AIMP1: variants seen among roughly 807,000 people sequenced by gnomAD.
AIMP1 encodes aminoacyl tRNA synthetase complex interacting multifunctional protein 1, also known as aminoacyl tRNA synthase complex-interacting multifunctional protein 1.
Under a neutral mutation model 33.1 loss-of-function variants are expected in AIMP1, and 24 were observed. The observed-to-expected ratio is 0.73, with a 90% CI of 0.53 to 1.02. The LOEUF is 1.02. Among genes scored for constraint, AIMP1 ranks in the 50% least tolerant of loss-of-function variants. The pLI is 0.00. For synonymous variants in AIMP1, 120 were observed against 121.5 expected, an observed-to-expected ratio of 0.99 and a Z score of 0.08; for missense variants, 367 against 364.8, an observed-to-expected ratio of 1.01 and a Z score of -0.05.
At chr4:106,327,590 A>C in intron 3 of AIMP1, 26 bp downstream of exon 3, 1 of 1,557,442 alleles carries the variant, frequency 6.4e-7, no homozygotes, top group South Asian at 1.1e-5. Context: ...AAATTTGAGT[A>C]ATCCAGAAGT....
At chr4:106,324,828 G>C (rs898830516) in intron 1 of AIMP1, among the ~76,000 whole-genome samples, 157 bp from the exon 2 acceptor site, 1 of 152,012 alleles carries the variant, frequency 6.6e-6, no homozygotes, top group Non-Finnish European at 1.5e-5. Flanking sequence ...TCTGCTATTT[G>C]TTTGGCTTGT....
chr4:106,324,876 T>C, intron 1 of AIMP1, 109 bp from the exon 2 acceptor site: 1 of 853,578 alleles, frequency 1.2e-6, no homozygotes, highest in African/African-American at 1.7e-5. Context: ...AAGATATTTA[T>C]CTATTACAGT....
Position 106,331,848 on chromosome 4 carries a change from G to A in AIMP1, c.568G>A (p.Val190Ile). The A allele has an allele frequency of 6.2e-7, 1 of 1,614,098 alleles. No homozygotes were observed. Residue 190 changes from valine to isoleucine, a missense_variant, in exon 5 of 7, where the codon GTC becomes ATC. Val to Ile is a conservative substitution (Grantham distance 29, BLOSUM62 3). Coordinates refer to ENST00000672341, the MANE Select transcript of AIMP1 (RefSeq NM_001142416.2). ...CGGAGAAATAGCCCCAAGGACAGTTGTCAGTGGCCTGGTGAATCATGTTCC... is the reference window on the plus strand; with the variant it reads ...CGGAGAAATAGCCCCAAGGACAGTTATCAGTGGCCTGGTGAATCATGTTCC... ...DVGEIAPRTVVSGLVNHVPLE... is the reference protein window; with the variant it reads ...DVGEIAPRTVISGLVNHVPLE...
intron 6 of AIMP1, among the ~76,000 whole-genome samples, chr4:106,339,846 A>C (rs3109953): frequency 0.39 from 59,717 of 152,034 alleles, 11,915 homozygotes; most frequent in South Asian, 0.47. Context: ...TTTTACTCAA[A>C]TTCAGGATAT....
At chr4:106,323,993 C>T (rs925061034) in intron 1 of AIMP1, among the ~76,000 whole-genome samples, 1 of 152,000 alleles carries the variant, frequency 6.6e-6, no homozygotes, top group Non-Finnish European at 1.5e-5. Context: ...CAGATCTAGA[C>T]AGTCACCTCA....
chr4:106,326,196 A>C (rs1769448368), intron 2 of AIMP1, among the ~76,000 whole-genome samples: 1 of 152,198 alleles, frequency 6.6e-6, no homozygotes, highest in Admixed American at 6.5e-5. Flanking sequence ...GATTCATAGA[A>C]AATTTAGGGT....
chr4:106,340,155 G>A (rs1197526089), intron 6 of AIMP1, among the ~76,000 whole-genome samples: 1 of 152,144 alleles, frequency 6.6e-6, no homozygotes, highest in African/African-American at 2.4e-5. Context: ...AGATATAAAT[G>A]AAGATAAATA....
intron 1 of AIMP1, 119 bp from the exon 2 acceptor site, chr4:106,324,866 A>G: frequency 2.6e-6 from 2 of 779,900 alleles, no homozygotes; most frequent in Non-Finnish European, 3.7e-6. Context: ...CTATTTTTCT[A>G]AGATATTTAT....
At chr4:106,327,963 T>C in intron 3 of AIMP1, 113 bp from the exon 4 acceptor site, 1 of 1,471,442 alleles carries the variant, frequency 6.8e-7, no homozygotes, top group Non-Finnish European at 9.2e-7. Flanking sequence ...TTGATAGCCA[T>C]ATACAGTGAA....
At chr4:106,344,809 ATCT>A (rs1490610377) in intron 6 of AIMP1, among the ~76,000 whole-genome samples, 19 of 151,006 alleles carry the variant, frequency 1.3e-4, no homozygotes, top group African/African-American at 4.4e-4. Context: ...TCGCTTACTC[ATCT>A]TATTCATATC....
intron 6 of AIMP1, among the ~76,000 whole-genome samples, chr4:106,343,079 T>C (rs1382474863): frequency 1.3e-5 from 2 of 152,206 alleles, no homozygotes; most frequent in East Asian, 3.9e-4. Context: ...CTTTTTTTAA[T>C]TGGTAGGTTT....
intron 1 of AIMP1, among the ~76,000 whole-genome samples, chr4:106,318,355 A>G (rs1278817624): frequency 8.5e-5 from 13 of 152,168 alleles, no homozygotes; most frequent in Admixed American, 8.5e-4. Context: ...ACCTAGTGCT[A>G]AAAGGTACCA....
intron 6 of AIMP1, among the ~76,000 whole-genome samples, chr4:106,338,694 A>C (rs753929505): frequency 6.6e-6 from 1 of 152,228 alleles, no homozygotes; most frequent in Non-Finnish European, 1.5e-5. Flanking sequence ...CCCCACACAC[A>C]GAATCCCCAC....
In AIMP1 at chr4:106,348,272, T is replaced by G. The variant is rs1770376677; in HGVS notation, c.*580T>G. ...TGACTAATAATACAATAACAGCAAT[T>G]TTTTTAAAAAACTGAGATTTCCTAC... On this transcript the variant is annotated 3_prime_UTR_variant, in exon 7 of 7. Coordinates refer to ENST00000672341, the MANE Select transcript of AIMP1 (RefSeq NM_001142416.2). The G allele has an allele frequency of 6.6e-6, 1 of 152,136 alleles. No individual in the cohort carries two copies. Among genetic ancestry groups the G allele is most frequent in the African/African-American group, 2.4e-5 (1 of 41,426 alleles). 9.4% of individuals were successfully genotyped at this position (152,136 alleles called of 1,614,324 possible). A position where few individuals can be genotyped will look rare whatever the true frequency, so the allele number is the denominator to read the frequency against.
Position 106,331,887 on chromosome 4 carries a change from A to G in AIMP1, c.603+4A>G. 1 of 1,613,092 alleles carries G rather than the reference A, an allele frequency of 6.2e-7. No individual in the cohort carries two copies. Among genetic ancestry groups the G allele is most frequent in the Non-Finnish European group, 8.5e-7 (1 of 1,179,080 alleles). ...GAATCATGTTCCTCTTGAACAGGTA[A>G]TCTGTACAACTGAAATTCCTGTTGT... On this transcript the variant is annotated splice_donor_region_variant and intron_variant, in intron 5 of 6. Coordinates refer to ENST00000672341, the MANE Select transcript of AIMP1 (RefSeq NM_001142416.2).
intron 6 of AIMP1, among the ~76,000 whole-genome samples, chr4:106,345,892 T>C (rs916731033): frequency 6.7e-6 from 1 of 148,426 alleles, no homozygotes; most frequent in Non-Finnish European, 1.5e-5. Flanking sequence ...AAAATATAAA[T>C]ATAAAATATA....
chr4:106,338,242 A>G (rs1315230364), intron 6 of AIMP1, among the ~76,000 whole-genome samples: 1 of 152,254 alleles, frequency 6.6e-6, no homozygotes, highest in Non-Finnish European at 1.5e-5. Context: ...AAATTTGCAT[A>G]AGCAATGAAG....
At chr4:106,332,176 G>A (rs959365679) in intron 5 of AIMP1, among the ~76,000 whole-genome samples, 2 of 151,522 alleles carry the variant, frequency 1.3e-5, no homozygotes, top group Non-Finnish European at 2.9e-5. Context: ...AAAACTATTG[G>A]TGTGTATATA....
chr4:106,316,637 T>C (rs1768919744), intron 1 of AIMP1, 43 bp downstream of exon 1: 1 of 1,543,628 alleles, frequency 6.5e-7, no homozygotes, highest in Non-Finnish European at 8.8e-7. Flanking sequence ...GGATCGCCGA[T>C]TGCGATCGTA....
Sources: gnomAD v4.1 joint callset for allele counts (sites outside exome capture counted in the v4.1 genomes callset) on GRCh38, gnomAD v4.1.1 for gene constraint, MANE v1.5 for transcripts, NCBI Gene and HGNC (gene_info 2026-07-23, HGNC 2026-07-21) for gene names.